The following HECTD4 variants were observed in gnomAD, a reference collection of about 807,000 sequenced individuals.
The protein encoded by HECTD4 is probable E3 ubiquitin-protein ligase HECTD4.
Under a neutral mutation model 471.5 loss-of-function variants are expected in HECTD4, and 114 were observed. That is an observed-to-expected ratio of 0.24 (90% CI 0.21 to 0.28). HECTD4 has a LOEUF of 0.28. Among genes scored for constraint, HECTD4 ranks in the 10% least tolerant of loss-of-function variants. The pLI is 1.00. For synonymous variants in HECTD4, 2,012 were observed against 2,256.0 expected (o/e 0.89, Z 3.07); for missense variants, 3,866 against 5,651.5 (o/e 0.68, Z 10.13).
chr12:112,228,319 G>A lies in HECTD4; in HGVS notation c.6685-61C>T. On this transcript the variant is annotated intron_variant, in intron 42 of 75. Coordinates refer to ENST00000682272, the MANE Select transcript of HECTD4 (RefSeq NM_001388303.1). This position sits in a 1 kb window ranked among gnomAD's most constrained non-coding sequence, Gnocchi z 4.9. ...TTCAAGTAGTTAGTTTATAAGAAAT[G>A]AGGGTGTTATTATTATCTGGAGTTA... The A allele has an allele frequency of 7.0e-7, 1 of 1,431,206 alleles. No individual in the cohort carries two copies. Among genetic ancestry groups the A allele is most frequent in the Non-Finnish European group, 9.2e-7 (1 of 1,085,466 alleles). The allele number at this position is 1,431,206 out of a possible 1,614,324, so 88.7% of individuals were successfully genotyped here.
At position 112,243,896 on chromosome 12, in the gene HECTD4, C is replaced by A; in HGVS notation, c.4627G>T (p.Glu1543Ter). 1 of 1,614,018 alleles carries A rather than the reference C, an allele frequency of 6.2e-7. No individual in the cohort carries two copies. The highest frequency in any genetic ancestry group is 8.5e-7 in the Non-Finnish European group (1 of 1,179,884). ...DLEMIGNEDL[E>*]FTRANQRRRH... ...TACCTCTGATTTGCTCTAGTAAATT[C>A]CAAATCTTCATTACCAATCATTTCC... The change falls in exon 30 of 76, where the codon GAA (glutamate) becomes TAA (stop). Residue 1543 changes from glutamate to a stop codon, truncating the protein, a stop_gained. Transcript: ENST00000682272. LOFTEE classifies it high-confidence loss of function. The surrounding 1 kb of genome is among the most constrained non-coding windows in gnomAD (Gnocchi z 6.6).
intron 1 of HECTD4, among the ~76,000 whole-genome samples, chr12:112,334,810 C>CAA (rs201647877): frequency 1.5e-4 from 10 of 67,532 alleles, no homozygotes; most frequent in Non-Finnish European, 2.4e-4. Context: ...AACTCTATCT[C>CAA]AAAAAAAAAA....
At chr12:112,324,807 A>C (rs1407297323) in intron 1 of HECTD4, among the ~76,000 whole-genome samples, 1 of 152,188 alleles carries the variant, frequency 6.6e-6, no homozygotes, top group Non-Finnish European at 1.5e-5. Flanking sequence ...AGTCATAAAC[A>C]TCTAAACAAA....
chr12:112,365,610 T>C (rs940646797), intron 1 of HECTD4, among the ~76,000 whole-genome samples: 1 of 152,092 alleles, frequency 6.6e-6, no homozygotes, highest in Non-Finnish European at 1.5e-5. Flanking sequence ...CTCCTGAACC[T>C]TGACAATACT....
Position 112,382,425 on chromosome 12 carries a change from C to T in HECTD4, c.-297G>A. On this transcript the variant is annotated 5_prime_UTR_variant, in exon 1 of 76. Transcript: ENST00000682272. ...TGTCAGTGAGACGCCATGTTGGGGGCGGGGCTCCCGGCATGCCTCGCGGAG... is the reference window on the plus strand; with the variant it reads ...TGTCAGTGAGACGCCATGTTGGGGGTGGGGCTCCCGGCATGCCTCGCGGAG... 1.5e-5 allele frequency: 4 copies of T among 266,326 alleles called. No individual in the cohort carries two copies. Among genetic ancestry groups the T allele is most frequent in the Non-Finnish European group, 2.1e-5 (3 of 145,572 alleles). The allele number at this position is 266,326 out of a possible 1,614,324, so 16.5% of individuals were successfully genotyped here. A position where few individuals can be genotyped will look rare whatever the true frequency, so the allele number is the denominator to read the frequency against.
intron 34 of HECTD4, 92 bp downstream of exon 34, chr12:112,238,960 C>T (rs747997066): frequency 7.6e-5 from 93 of 1,217,042 alleles, no homozygotes; most frequent in South Asian, 1.6e-4. Context: ...TTAATAGAGG[C>T]TTTCTCTCTT....
chr12:112,380,403 C>T (rs2036865787), intron 1 of HECTD4, among the ~76,000 whole-genome samples: 1 of 151,582 alleles, frequency 6.6e-6, no homozygotes, highest in Non-Finnish European at 1.5e-5. Flanking sequence ...TGAGATCGCG[C>T]CACTGCACTC....
intron 1 of HECTD4, among the ~76,000 whole-genome samples, chr12:112,320,592 T>G (rs1225529343): frequency 6.6e-6 from 1 of 151,774 alleles, no homozygotes. Flanking sequence ...TCCCAGCTAC[T>G]CAGGACCCTG....
intron 38 of HECTD4, 130 bp from the exon 39 acceptor site, chr12:112,231,845 A>G: frequency 2.6e-6 from 2 of 757,944 alleles, no homozygotes; most frequent in Non-Finnish European, 4.2e-6. Flanking sequence ...ATAAAATATT[A>G]TATGTAGAGT....
intron 4 of HECTD4, among the ~76,000 whole-genome samples, chr12:112,310,920 T>G (rs970689115): frequency 6.6e-6 from 1 of 152,194 alleles, no homozygotes; most frequent in Non-Finnish European, 1.5e-5. Flanking sequence ...CAGGGCTTAT[T>G]ATAGTATTCT....
Position 112,170,327 on chromosome 12 carries a change from C to T in HECTD4, c.12052+6G>A. On this transcript the variant is annotated splice_donor_region_variant and intron_variant, in intron 69 of 75. Coordinates refer to ENST00000682272, the MANE Select transcript of HECTD4 (RefSeq NM_001388303.1). The stretch of plus-strand genomic sequence containing the variant: ...TGCATTTTTTGCTCTCCGCAGCCAA[C>T]CCCACCTCCCACAATTTCCAGTGGG... The T allele has an allele frequency of 1.9e-6, 3 of 1,613,790 alleles. No homozygotes were observed. The highest frequency in any genetic ancestry group is 2.5e-6 in the Non-Finnish European group (3 of 1,179,854).
chr12:112,255,121 T>C (rs1408310663), intron 21 of HECTD4, among the ~76,000 whole-genome samples: 2 of 152,246 alleles, frequency 1.3e-5, no homozygotes, highest in Non-Finnish European at 2.9e-5. Flanking sequence ...CACTAATGTC[T>C]ACTGCAGGCA....
intron 1 of HECTD4, among the ~76,000 whole-genome samples, chr12:112,343,396 G>A (rs962684839): frequency 3.9e-5 from 6 of 152,188 alleles, no homozygotes; most frequent in Non-Finnish European, 7.3e-5. Context: ...CATGGCTTCT[G>A]ATGTACAAAG....
Position 112,319,513 on chromosome 12 carries a change from G to C in HECTD4, c.407C>G (p.Pro136Arg). 2 of 1,470,354 alleles carry C rather than the reference G, an allele frequency of 1.4e-6. No individual in the cohort carries two copies. The highest frequency in any genetic ancestry group is 1.8e-6 in the Non-Finnish European group (2 of 1,115,402). 91.1% of individuals were successfully genotyped at this position (1,470,354 alleles called of 1,614,324 possible). ...CCTCGATGTGAAGGGCGCTTGCTCA[G>C]GTTGCTGCAACAAGCCCTGGCGTTT... ...LLKRQGLLQQPEQAPFTSRMG... is the reference protein window; with the variant it reads ...LLKRQGLLQQREQAPFTSRMG... Residue 136 changes from proline (P) to arginine (R), a missense_variant, in exon 2 of 76, where the codon CCT becomes CGT. Transcript: ENST00000682272. The surrounding 1 kb of genome is among the most constrained non-coding windows in gnomAD (Gnocchi z 5.3).
intron 1 of HECTD4, among the ~76,000 whole-genome samples, chr12:112,348,929 ATCT>A (rs1413406287): frequency 6.6e-6 from 1 of 152,206 alleles, no homozygotes. Context: ...GTTGATTTTC[ATCT>A]TCTTTTTTTG....
intron 1 of HECTD4, among the ~76,000 whole-genome samples, chr12:112,363,617 G>A (rs973184789): frequency 1.3e-5 from 2 of 152,034 alleles, no homozygotes; most frequent in African/African-American, 4.8e-5. Flanking sequence ...CATCTAACTA[G>A]CTATTTTCAG....
chr12:112,258,908 C>G (rs1264391805), intron 19 of HECTD4: 11 of 582,856 alleles, frequency 1.9e-5, no homozygotes, highest in Non-Finnish European at 2.6e-5. Context: ...TAAAAGGTTG[C>G]AGTTAGTAAT....
intron 29 of HECTD4, among the ~76,000 whole-genome samples, chr12:112,245,384 T>G (rs776235037): frequency 3.9e-5 from 6 of 152,222 alleles, no homozygotes; most frequent in Non-Finnish European, 7.3e-5. Flanking sequence ...GATACTGTTA[T>G]CTCTGAGGTC....
rs926446885 is a variant in HECTD4 at position 112,258,527 on chromosome 12, C to T, written c.3097G>A (p.Asp1033Asn). The change falls in exon 20 of 76, where the codon GAC becomes AAC. Residue 1033 changes from aspartate to asparagine, a missense_variant. This residue lies in a region of HECTD4 where 525 missense variants were observed against 672.6 expected (regional missense o/e 0.78). Coordinates refer to ENST00000682272, the MANE Select transcript of HECTD4 (RefSeq NM_001388303.1). ...TCAGGGAACAGCCTGCACTTCTGGT[C>T]TGGTGCACCACACGGGGAACAGCCC... ...EVGCSPCGAP[D>N]QKCRLFPDER... is the part of the protein sequence containing the mutation. 3 of 1,603,620 alleles carry T rather than the reference C, an allele frequency of 1.9e-6. No individual in the cohort carries two copies. Among genetic ancestry groups the T allele is most frequent in the Non-Finnish European group, 2.6e-6 (3 of 1,175,858 alleles).
Sources: allele counts gnomAD v4.1 joint callset (sites outside exome capture counted in the v4.1 genomes callset), GRCh38; gene constraint gnomAD v4.1.1; regional missense constraint gnomAD v4.1.1; non-coding constraint Gnocchi (gnomAD v3.1); transcripts MANE v1.5; gene names NCBI Gene and HGNC (gene_info 2026-07-23, HGNC 2026-07-21).